Variants in UGGT2 observed in about 807,000 individuals in gnomAD.
The protein encoded by UGGT2 is UDP-glucose:glycoprotein glucosyltransferase 2.
In UGGT2, 180 loss-of-function variants were observed where a neutral mutation model predicts 192.1. The observed-to-expected ratio is 0.94, with a 90% CI of 0.83 to 1.06. UGGT2 has a LOEUF of 1.06. UGGT2 is among the 50% of genes least tolerant of loss of function. The pLI is 0.00. For synonymous variants in UGGT2, 580 were observed against 591.0 expected, an observed-to-expected ratio of 0.98 and a Z score of 0.27; for missense variants, 1,849 against 1,795.7, an observed-to-expected ratio of 1.03 and a Z score of -0.54.
chr13:95,931,008 C>T (rs148326303), intron 17 of UGGT2, among the ~76,000 whole-genome samples: 14 of 152,158 alleles, frequency 9.2e-5, no homozygotes, highest in African/African-American at 2.4e-4. Context: ...CGGGTTGCCA[C>T]GGCTGGCTTG....
chr13:95,939,879 T>G, intron 16 of UGGT2, 78 bp downstream of exon 16: 1 of 1,213,198 alleles, frequency 8.2e-7, no homozygotes, highest in Non-Finnish European at 1.1e-6. Context: ...TTTTTAAAGA[T>G]TCTACATGAG....
chr13:95,871,687 G>C (rs751178060), intron 29 of UGGT2, among the ~76,000 whole-genome samples: 1 of 152,144 alleles, frequency 6.6e-6, no homozygotes, highest in Non-Finnish European at 1.5e-5. Context: ...CTGATGTCTA[G>C]GTATTTCCAC....
chr13:95,943,142 C>A (rs998929545), intron 15 of UGGT2, among the ~76,000 whole-genome samples: 2 of 152,144 alleles, frequency 1.3e-5, no homozygotes, highest in East Asian at 3.9e-4. Flanking sequence ...TATGACAAGT[C>A]CCATCACTTT....
In UGGT2 at chr13:95,877,522, A is replaced by G. The variant is rs1042437022; in HGVS notation, c.3388-158T>C. 2.5e-5 allele frequency: 25 copies of G among 1,015,642 alleles called. No homozygotes were observed. In the African/African-American group the frequency reaches 3.6e-4, roughly 15 times the overall value. The allele number at this position is 1,015,642 out of a possible 1,614,324, so 62.9% of individuals were successfully genotyped here. A position where few individuals can be genotyped will look rare whatever the true frequency, so the allele number is the denominator to read the frequency against. On this transcript the variant is annotated intron_variant, in intron 28 of 38. Transcript: ENST00000376747. ...TAAAGAGATTTTACAATAACCTGTC[A>G]AAAATTATTAAAGTATGATTTTCCC...
At chr13:95,818,701 G>C (rs1436849639) in intron 38 of UGGT2, among the ~76,000 whole-genome samples, 1 of 152,140 alleles carries the variant, frequency 6.6e-6, no homozygotes, top group East Asian at 1.9e-4. Context: ...TGATTACTGG[G>C]GAGGCAGAGA....
chr13:95,846,482 TA>T (rs1411141692), intron 36 of UGGT2, among the ~76,000 whole-genome samples: 1 of 152,150 alleles, frequency 6.6e-6, no homozygotes, highest in Non-Finnish European at 1.5e-5. Flanking sequence ...TTTGATTACT[TA>T]AAACTTTGTT....
At chr13:95,866,935 T>A (rs2140111406) in intron 30 of UGGT2, among the ~76,000 whole-genome samples, 1 of 152,246 alleles carries the variant, frequency 6.6e-6, no homozygotes, top group Middle Eastern at 3.4e-3. Flanking sequence ...TTTCACTAGT[T>A]TTAAGCAGGA....
intron 1 of UGGT2, among the ~76,000 whole-genome samples, chr13:96,042,717 T>C (rs989200725): frequency 6.6e-6 from 1 of 151,724 alleles, no homozygotes; most frequent in Admixed American, 6.6e-5. Flanking sequence ...TATAGAAATG[T>C]AAAATAGAGT....
Position 95,884,580 on chromosome 13 carries a change from G to T in UGGT2, c.3139C>A (p.Leu1047Ile), listed in dbSNP as rs1566635106. The part of the protein sequence containing the change: ...AKFLDIPESP[L>I]LILNMITPEG... Reference sequence around the variant, plus strand: ...GGAGTAATCATGTTGAGGATTAGGAGGGGTGATTCAGGAATATCCAAAAAT... The same window carrying T: ...GGAGTAATCATGTTGAGGATTAGGATGGGTGATTCAGGAATATCCAAAAAT... Residue 1047 changes from leucine to isoleucine, a missense_variant, in exon 27 of 39, where the codon CTC (leucine) becomes ATC (isoleucine). By Grantham distance (5) the Leu-to-Ile change is conservative. Transcript: ENST00000376747. 1 of 1,614,000 alleles carries T rather than the reference G, an allele frequency of 6.2e-7. No homozygotes were observed. Among genetic ancestry groups the T allele is most frequent in the East Asian group, 2.2e-5 (1 of 44,848 alleles).
At chr13:96,014,439 T>G (rs1178034326) in intron 4 of UGGT2, among the ~76,000 whole-genome samples, 1 of 152,192 alleles carries the variant, frequency 6.6e-6, no homozygotes. Flanking sequence ...CTCAACATAT[T>G]CTAAATCAAA....
chr13:95,865,415 C>A (rs893490106), intron 30 of UGGT2, among the ~76,000 whole-genome samples: 5 of 152,138 alleles, frequency 3.3e-5, no homozygotes, highest in Admixed American at 2.6e-4. Context: ...GAGGCCAAGG[C>A]GGGTGGATCA....
intron 12 of UGGT2, among the ~76,000 whole-genome samples, chr13:95,961,414 A>C (rs2050387744): frequency 6.6e-6 from 1 of 152,170 alleles, no homozygotes; most frequent in Non-Finnish European, 1.5e-5. Flanking sequence ...GAAAAAGATA[A>C]TCCATGCAAA....
rs577448078 is a variant in UGGT2, at chr13:95,818,935, A to C, written c.4528+13992T>G. 3.3e-5 allele frequency among the ~76,000 whole-genome samples: 5 copies of C among 152,260 alleles called. No individual in the cohort carries two copies. In the East Asian group the frequency reaches 9.6e-4, roughly 29 times the overall value. The stretch of plus-strand genomic sequence containing the variant: ...CACAGCAGCAGTAGAGAAAACACTA[A>C]ACTACAAAGCTGAAACAACCATGAC... On this transcript the variant is annotated intron_variant, in intron 38 of 38. Transcript: ENST00000376747.
chr13:95,831,182 C>T (rs895509730), intron 38 of UGGT2, among the ~76,000 whole-genome samples: 4 of 152,004 alleles, frequency 2.6e-5, no homozygotes, highest in East Asian at 1.9e-4. Context: ...ATGTAAATGA[C>T]GAGTTAGTGG....
At chr13:96,034,213 A>C (rs1289968279) in intron 1 of UGGT2, among the ~76,000 whole-genome samples, 1 of 152,084 alleles carries the variant, frequency 6.6e-6, no homozygotes, top group Non-Finnish European at 1.5e-5. Context: ...CTGCAGGTGG[A>C]AGGTGGCCAC....
At chr13:95,858,277 T>C (rs1246708488) in intron 33 of UGGT2, among the ~76,000 whole-genome samples, 1 of 151,938 alleles carries the variant, frequency 6.6e-6, no homozygotes, top group Non-Finnish European at 1.5e-5. Flanking sequence ...ACCCTTGGAA[T>C]TTCCTGACTA....
intron 38 of UGGT2, among the ~76,000 whole-genome samples, chr13:95,809,052 A>G (rs1183004130): frequency 6.6e-6 from 1 of 152,238 alleles, no homozygotes; most frequent in African/African-American, 2.4e-5. Flanking sequence ...CACCTAAGAT[A>G]GTCAAAGCCT....
chr13:95,855,497 GTT>G (rs555723276), intron 34 of UGGT2, among the ~76,000 whole-genome samples: 9 of 124,566 alleles, frequency 7.2e-5, no homozygotes, highest in East Asian at 4.8e-4. Context: ...GGCCTTGGGT[GTT>G]TTTTTTTTTT....
intron 5 of UGGT2, among the ~76,000 whole-genome samples, chr13:96,008,631 T>C (rs889460040): frequency 3.3e-5 from 5 of 152,160 alleles, no homozygotes; most frequent in Non-Finnish European, 1.5e-5. Flanking sequence ...CCATTTACAA[T>C]TGCCATAAAA....
Sources: allele counts gnomAD v4.1 joint callset (sites outside exome capture counted in the v4.1 genomes callset), GRCh38; gene constraint gnomAD v4.1.1; transcripts MANE v1.5; gene names NCBI Gene and HGNC (gene_info 2026-07-23, HGNC 2026-07-21).